The following NF2 variants were observed in gnomAD, a reference collection of about 807,000 sequenced individuals.
The protein encoded by NF2 is merlin.
In NF2, 8 loss-of-function variants were observed where a neutral mutation model predicts 83.7. That is an observed-to-expected ratio of 0.10 (90% CI 0.06 to 0.17). The LOEUF (loss-of-function observed/expected upper bound fraction) is 0.17, where lower values mean the gene tolerates loss of function less well. NF2 is among the 10% of genes least tolerant of loss of function. NF2 has a pLI of 1.00. For missense variants in NF2, 533 were observed against 744.4 expected (o/e 0.72, Z 3.31); for synonymous variants, 266 against 269.6 (o/e 0.99, Z 0.13).
intron 6 of NF2, 107 bp downstream of exon 6, chr22:29,655,783 C>A: frequency 1.1e-6 from 1 of 889,950 alleles, no homozygotes; most frequent in Non-Finnish European, 1.8e-6. Flanking sequence ...AAATGCAGTA[C>A]TGAAGTCTAT....
At chr22:29,671,464 G>A (rs2066784148) in intron 10 of NF2, among the ~76,000 whole-genome samples, 1 of 152,144 alleles carries the variant, frequency 6.6e-6, no homozygotes, top group African/African-American at 2.4e-5. Context: ...GGGAGGCGGA[G>A]GTTGCAGTGA....
At chr22:29,610,378 C>T (rs1326828706) in intron 1 of NF2, among the ~76,000 whole-genome samples, 1 of 152,044 alleles carries the variant, frequency 6.6e-6, no homozygotes, top group Admixed American at 6.6e-5. Context: ...GGTGCAGTGG[C>T]TCATGCCTGT....
chr22:29,686,830 C>T (rs1479815798), intron 15 of NF2, among the ~76,000 whole-genome samples: 2 of 152,148 alleles, frequency 1.3e-5, no homozygotes, highest in East Asian at 3.9e-4. Context: ...GATCAAAAGC[C>T]GCCCTGGGGA....
At position 29,650,178 on chromosome 22, in the gene NF2, AAC is replaced by A. The variant is rs1374327971; in HGVS notation, c.448-4476_448-4475del. On this transcript the variant is annotated intron_variant, in intron 4 of 15. Coordinates refer to ENST00000338641, the MANE Select transcript of NF2 (RefSeq NM_000268.4). ...GCACAAGATTCTGAATATACTAAAAAACACTGAATTGTACACTTAATGTAAAT... is the reference window on the plus strand; with the variant it reads ...GCACAAGATTCTGAATATACTAAAAAACTGAATTGTACACTTAATGTAAAT... 4.6e-5 allele frequency among the ~76,000 whole-genome samples: 7 copies of A among 152,334 alleles called. No homozygotes were observed. The East Asian group carries it at 1.2e-3, about 25-fold the overall frequency.
chr22:29,646,342 C>G (rs186974819), intron 4 of NF2, among the ~76,000 whole-genome samples: 1 of 152,256 alleles, frequency 6.6e-6, no homozygotes, highest in South Asian at 2.1e-4. Context: ...GTCCAGGCTG[C>G]CTAAGTTAGC....
chr22:29,673,948 T>A (rs2066886834), intron 12 of NF2, among the ~76,000 whole-genome samples: 1 of 152,110 alleles, frequency 6.6e-6, no homozygotes, highest in African/African-American at 2.4e-5. Flanking sequence ...TCTTGGCACA[T>A]GGGGGAGGAG....
intron 15 of NF2, among the ~76,000 whole-genome samples, chr22:29,690,829 C>A (rs956201688): frequency 6.6e-6 from 1 of 152,176 alleles, no homozygotes; most frequent in Admixed American, 6.5e-5. Context: ...CTGGCAGGAG[C>A]GCTTTGGGTT....
chr22:29,612,664 TATAA>T (rs570040533), intron 1 of NF2, among the ~76,000 whole-genome samples: 6 of 151,970 alleles, frequency 3.9e-5, no homozygotes, highest in Non-Finnish European at 5.9e-5. Flanking sequence ...AGAAAGAAGA[TATAA>T]ATAAATAAAT....
intron 1 of NF2, among the ~76,000 whole-genome samples, chr22:29,634,545 C>G (rs1482716078): frequency 6.6e-6 from 1 of 152,188 alleles, no homozygotes; most frequent in African/African-American, 2.4e-5. Flanking sequence ...CCCCTTCTTG[C>G]CAAAGCCCAG....
chr22:29,624,801 CTTTCTTTCTT>C (rs1569272678), intron 1 of NF2, among the ~76,000 whole-genome samples: 178 of 10,602 alleles, frequency 0.017, 1 homozygote, highest in African/African-American at 0.045. Flanking sequence ...GAAGGGTCCT[CTTTCTTTCTT>C]TCTTTCTTTC....
rs2067523092 is a variant in NF2 at position 29,695,423 on chromosome 22, G to A, written c.*621G>A. 3.9e-6 allele frequency: 1 copy of A among 257,414 alleles called. No individual in the cohort carries two copies. The highest frequency in any genetic ancestry group is 2.2e-5 in the African/African-American group (1 of 46,130). 15.9% of individuals were successfully genotyped at this position (257,414 alleles called of 1,614,324 possible). ...CTGGTGGGGAATAGGCAGGGCAGCT[G>A]TGGCTGGGGAGAGACTTTAGGCAGA... On this transcript the variant is annotated 3_prime_UTR_variant, in exon 16 of 16. Transcript: ENST00000338641. The surrounding 1 kb of genome is among the most constrained non-coding windows in gnomAD (Gnocchi z 5.4).
rs200272173 is a variant in NF2, at chr22:29,668,359, T to A, written c.912T>A (p.His304Gln). The change falls in exon 10 of 16, where the codon CAT (histidine) becomes CAA (glutamine). Residue 304 changes from histidine to glutamine, a missense_variant. His to Gln is a conservative substitution (Grantham distance 24). Transcript: ENST00000338641. ...TTCTCCAGCTATGTATCGGGAACCA[T>A]GATCTATTTATGAGGAGAAGGAAAG... The part of the protein sequence containing the change: ...KLILQLCIGN[H>Q]DLFMRRRKAD... 1 of 1,613,852 alleles carries A rather than the reference T, an allele frequency of 6.2e-7. No homozygotes were observed. Among genetic ancestry groups the A allele is most frequent in the Non-Finnish European group, 8.5e-7 (1 of 1,179,782 alleles).
chr22:29,655,620 G>A lies in NF2; in HGVS notation c.543G>A (p.Pro181=), dbSNP rs139838280. 4.2e-5 allele frequency: 68 copies of A among 1,613,750 alleles called. No homozygotes were observed. The highest frequency in any genetic ancestry group is 6.6e-5 in the South Asian group (6 of 91,066). ...TAATAAATCTGTATCAGATGACTCC[G>A]GAAATGTGGGAGGAGAGAATTACTG... ...KRVINLYQMT[P]EMWEERITAW... The change falls in exon 6 of 16, where the codon CCG becomes CCA. Residue 181 remains proline, a synonymous_variant. Transcript: ENST00000338641.
At chr22:29,670,426 T>G (rs1256926152) in intron 10 of NF2, among the ~76,000 whole-genome samples, 1 of 152,120 alleles carries the variant, frequency 6.6e-6, no homozygotes, top group African/African-American at 2.4e-5. Flanking sequence ...GGCCAAGCTT[T>G]TCATTGACTT....
At chr22:29,677,218 C>G (rs563798045) in intron 13 of NF2, among the ~76,000 whole-genome samples, 5 of 152,054 alleles carry the variant, frequency 3.3e-5, no homozygotes, top group African/African-American at 7.2e-5. Flanking sequence ...ATTAGAGAAC[C>G]GTAAACACAG....
chr22:29,624,919 C>CTT (rs1369324990), intron 1 of NF2, among the ~76,000 whole-genome samples: 1 of 144,030 alleles, frequency 6.9e-6, no homozygotes, highest in African/African-American at 2.7e-5. Context: ...CTCTCTCTCT[C>CTT]TCTTTCTTTC....
chr22:29,617,155 C>T (rs1433372234), intron 1 of NF2, among the ~76,000 whole-genome samples: 1 of 152,170 alleles, frequency 6.6e-6, no homozygotes, highest in African/African-American at 2.4e-5. Flanking sequence ...TCTTGAACTC[C>T]TGACTTCAGG....
intron 1 of NF2, among the ~76,000 whole-genome samples, chr22:29,610,937 C>T (rs927947283): frequency 1.3e-5 from 2 of 152,118 alleles, no homozygotes; most frequent in African/African-American, 4.8e-5. Context: ...TACTAGCAAA[C>T]TGAATCCAGT....
At chr22:29,642,701 A>G (rs766816040) in intron 4 of NF2, among the ~76,000 whole-genome samples, 9 of 152,008 alleles carry the variant, frequency 5.9e-5, no homozygotes, top group Non-Finnish European at 1.2e-4. Context: ...AGGAAAAATG[A>G]ATTTATGGTC....
Sources: allele counts gnomAD v4.1 joint callset (sites outside exome capture counted in the v4.1 genomes callset), GRCh38; gene constraint gnomAD v4.1.1; non-coding constraint Gnocchi (gnomAD v3.1); transcripts MANE v1.5; gene names NCBI Gene and HGNC (gene_info 2026-07-23, HGNC 2026-07-21).